Variants in RYR3 observed in about 807,000 individuals in gnomAD.
RYR3 encodes brain ryanodine receptor-calcium release channel.
RYR3 carries 207 observed loss-of-function variants against 584.3 expected under a neutral mutation model. The observed-to-expected ratio is 0.35, with a 90% CI of 0.32 to 0.40. The LOEUF (loss-of-function observed/expected upper bound fraction) is 0.40. Ranked by LOEUF, RYR3 falls within the 10% of genes least tolerant of loss-of-function variation. RYR3 has a pLI of 1.00. For synonymous variants in RYR3, 2,416 were observed against 2,248.5 expected (o/e 1.07, Z -2.11); for missense variants, 5,616 against 6,089.2 (o/e 0.92, Z 2.59).
At chr15:33,818,734 G>A in intron 76 of RYR3, 50 bp downstream of exon 76, 1 of 1,342,678 alleles carries the variant, frequency 7.4e-7, no homozygotes, top group Non-Finnish European at 1.1e-6. Context: ...GGATACTTGT[G>A]TCCACTCCTG....
At chr15:33,820,254 A>AG (rs950170821) in intron 77 of RYR3, among the ~76,000 whole-genome samples, 2 of 152,208 alleles carry the variant, frequency 1.3e-5, no homozygotes, top group African/African-American at 4.8e-5. Context: ...TGAGCAAATA[A>AG]GGGAAACTTT....
intron 91 of RYR3, among the ~76,000 whole-genome samples, chr15:33,842,900 C>T (rs2078464042): frequency 6.6e-6 from 1 of 152,142 alleles, no homozygotes; most frequent in Admixed American, 6.5e-5. Context: ...GTGTTTAGGC[C>T]TTTGGCTCCC....
At position 33,739,693 on chromosome 15, in the gene RYR3, G is replaced by A. The variant is rs1869430340; in HGVS notation, c.7657-139G>A. The stretch of plus-strand genomic sequence containing the variant: ...TGCATTTCCACCAGAAAATATTTAA[G>A]GGGTTACACATTTCCCGTTTTGGTT... On this transcript the variant is annotated intron_variant, in intron 50 of 103. Transcript: ENST00000634891. The A allele has an allele frequency of 1.2e-5, 7 of 601,266 alleles. No individual in the cohort carries two copies. In the South Asian group the frequency reaches 1.7e-4, roughly 14 times the overall value. The allele number at this position is 601,266 out of a possible 1,614,324, so 37.2% of individuals were successfully genotyped here. A position where few individuals can be genotyped will look rare whatever the true frequency, so the allele number is the denominator to read the frequency against.
Position 33,653,628 on chromosome 15 carries a change from C to G in RYR3, c.4308+745C>G, listed in dbSNP as rs562016710. Among the ~76,000 whole-genome samples, 513 of 151,624 alleles carry G rather than the reference C, an allele frequency of 3.4e-3. 3 individuals are homozygous for G. Among genetic ancestry groups the G allele is most frequent in the African/African-American group, 0.012 (496 of 41,278 alleles). On this transcript the variant is annotated intron_variant, in intron 32 of 103. Transcript: ENST00000634891. Reference sequence around the variant, plus strand: ...GAGGTTGCAGTGAGCTGAGATCACACCACTGCACCCCAGCCTGGGCAACAA... The same window carrying G: ...GAGGTTGCAGTGAGCTGAGATCACAGCACTGCACCCCAGCCTGGGCAACAA...
chr15:33,356,400 A>G (rs1193912024), intron 1 of RYR3, among the ~76,000 whole-genome samples: 1 of 152,200 alleles, frequency 6.6e-6, no homozygotes, highest in Non-Finnish European at 1.5e-5. Context: ...GAGAAAAATA[A>G]GAGTAGGTGA....
At chr15:33,366,494 A>G (rs1344851068) in intron 1 of RYR3, among the ~76,000 whole-genome samples, 4 of 152,218 alleles carry the variant, frequency 2.6e-5, no homozygotes, top group African/African-American at 9.6e-5. Context: ...GAGGCCCTGC[A>G]CTTAATTTCA....
chr15:33,554,350 C>T (rs6495166), intron 10 of RYR3, among the ~76,000 whole-genome samples: 21,591 of 143,948 alleles, frequency 0.15, 3,829 homozygotes, highest in African/African-American at 0.44. Context: ...GCTGGAGGTA[C>T]AGTGGTGCGA....
At chr15:33,596,920 G>A (rs1484767418) in intron 16 of RYR3, among the ~76,000 whole-genome samples, 1 of 151,846 alleles carries the variant, frequency 6.6e-6, no homozygotes, top group African/African-American at 2.4e-5. Context: ...CCTGGGCATA[G>A]GCCGAACTAA....
chr15:33,731,501 C>T lies in RYR3; in HGVS notation c.7231C>T (p.Leu2411Phe). The change falls in exon 48 of 104, where the codon CTT (leucine) becomes TTT (phenylalanine). Residue 2411 changes from leucine to phenylalanine, a missense_variant. Coordinates refer to ENST00000634891, the MANE Select transcript of RYR3 (RefSeq NM_001036.6). ...TVSLSTTEAA[L>F]ALNRYICSAV... is the part of the protein sequence containing the mutation. ...TTCCCTAAGCACCACAGAGGCTGCGCTTGCACTAAATAGGTATATATGTTC... is the reference window on the plus strand; with the variant it reads ...TTCCCTAAGCACCACAGAGGCTGCGTTTGCACTAAATAGGTATATATGTTC... The T allele has an allele frequency of 1.2e-6, 2 of 1,613,154 alleles. No individual in the cohort carries two copies. The highest frequency in any genetic ancestry group is 1.7e-6 in the Non-Finnish European group (2 of 1,179,520).
At chr15:33,465,510 A>T (rs1177430212) in intron 1 of RYR3, among the ~76,000 whole-genome samples, 1 of 152,124 alleles carries the variant, frequency 6.6e-6, no homozygotes, top group Non-Finnish European at 1.5e-5. Flanking sequence ...AGCCAGTCTA[A>T]CAGGTTTTGC....
At position 33,810,635 on chromosome 15, in the gene RYR3, T is replaced by A. The variant is rs749792321; in HGVS notation, c.10183T>A (p.Ser3395Thr). ...GDQELISLAKSRYSHRDTDEE... is the reference protein window; with the variant it reads ...GDQELISLAKTRYSHRDTDEE... ...CCAGGAGCTGATCTCCCTCGCAAAA[T>A]CGCGATACAGCCATGTAAGCTGCCC... Residue 3395 changes from serine to threonine, a missense_variant, in exon 71 of 104, where the codon TCG (serine) becomes ACG (threonine). Around this residue, in one of 9 missense-constraint regions of RYR3, gnomAD observed 954 missense variants for 1,132.2 expected, o/e 0.84. Coordinates refer to ENST00000634891, the MANE Select transcript of RYR3 (RefSeq NM_001036.6). The A allele has an allele frequency of 9.9e-6, 16 of 1,613,846 alleles. No homozygotes were observed. In the African/African-American group the frequency reaches 1.6e-4, roughly 16 times the overall value.
At chr15:33,509,808 C>A (rs2052811352) in intron 3 of RYR3, among the ~76,000 whole-genome samples, 1 of 152,136 alleles carries the variant, frequency 6.6e-6, no homozygotes, top group Non-Finnish European at 1.5e-5. Flanking sequence ...TTGCTCAGGA[C>A]CTCCCCACCC....
intron 1 of RYR3, among the ~76,000 whole-genome samples, chr15:33,313,323 G>A (rs911861820): frequency 1.3e-5 from 2 of 152,146 alleles, no homozygotes; most frequent in Admixed American, 6.5e-5. Flanking sequence ...TTACATTCCC[G>A]CTAGAGCCTG....
At chr15:33,617,602 G>A (rs1028325092) in intron 19 of RYR3, among the ~76,000 whole-genome samples, 2 of 151,958 alleles carry the variant, frequency 1.3e-5, no homozygotes, top group African/African-American at 2.4e-5. Context: ...TTTAACTTCC[G>A]TATGGCTTCT....
chr15:33,417,747 TC>T (rs1168439765), intron 1 of RYR3, among the ~76,000 whole-genome samples: 1 of 152,176 alleles, frequency 6.6e-6, no homozygotes, highest in Non-Finnish European at 1.5e-5. Flanking sequence ...GGAATGGACA[TC>T]CTTGTCTTGT....
chr15:33,771,427 G>A (rs1387162424), intron 62 of RYR3, among the ~76,000 whole-genome samples: 2 of 144,026 alleles, frequency 1.4e-5, no homozygotes, highest in Non-Finnish European at 3.1e-5. Context: ...CCAGCTACTC[G>A]GGAGGCTGAG....
intron 91 of RYR3, among the ~76,000 whole-genome samples, chr15:33,842,980 G>A (rs1240469409): frequency 1.3e-5 from 2 of 151,904 alleles, no homozygotes; most frequent in African/African-American, 4.8e-5. Context: ...CAACATTTTG[G>A]TTCCATGTTC....
intron 27 of RYR3, among the ~76,000 whole-genome samples, 200 bp downstream of exon 27, chr15:33,636,750 A>G (rs928293154): frequency 6.6e-6 from 1 of 152,256 alleles, no homozygotes; most frequent in Admixed American, 6.5e-5. Context: ...TGTGTGCAGC[A>G]TACATACACA....
intron 10 of RYR3, among the ~76,000 whole-genome samples, chr15:33,557,587 G>A (rs1422716035): frequency 6.6e-6 from 1 of 152,092 alleles, no homozygotes. Flanking sequence ...GTTTCACCAT[G>A]TTGGCCGGGA....
Sources: gnomAD v4.1 joint callset for allele counts (sites outside exome capture counted in the v4.1 genomes callset) on GRCh38, gnomAD v4.1.1 for gene constraint, gnomAD v4.1.1 regional missense constraint, MANE v1.5 for transcripts, NCBI Gene and HGNC (gene_info 2026-07-23, HGNC 2026-07-21) for gene names.